The following FUT8 variants were observed in gnomAD, a reference collection of about 807,000 sequenced individuals.
FUT8 encodes fucosyltransferase 8.
Under a neutral mutation model 71.3 loss-of-function variants are expected in FUT8, and 29 were observed. The observed-to-expected ratio is 0.41, with a 90% confidence interval of 0.30 to 0.55. The LOEUF is 0.55. Among genes scored for constraint, FUT8 ranks in the 20% least tolerant of loss-of-function variants. The pLI is 0.34. For synonymous variants in FUT8, 254 were observed against 239.3 expected, an observed-to-expected ratio of 1.06 and a Z score of -0.57; for missense variants, 544 against 702.1, an observed-to-expected ratio of 0.77 and a Z score of 2.55.
In FUT8 at chr14:65,495,492, G is replaced by A. The variant is rs970715628; in HGVS notation, c.-228+39774G>A. ...ACAAATGGGAGTTATGTGTTCCTCC[G>A]GGGTATGGTCCATTTGTATATTGCT... On this transcript the variant is annotated intron_variant, in intron 2 of 10. Coordinates refer to ENST00000673929, the MANE Select transcript of FUT8 (RefSeq NM_001371533.1). 3.3e-5 allele frequency among the ~76,000 whole-genome samples: 5 copies of A among 151,966 alleles called. No individual in the cohort carries two copies. In the South Asian group the frequency reaches 6.2e-4, roughly 19 times the overall value.
intron 2 of FUT8, among the ~76,000 whole-genome samples, chr14:65,478,194 C>T (rs892766674): frequency 1.3e-5 from 2 of 152,072 alleles, no homozygotes; most frequent in Admixed American, 1.3e-4. Flanking sequence ...TATTCTTGTT[C>T]TTTAGGTTCT....
rs529640017 is a variant in FUT8 at position 65,729,045 on chromosome 14, T to C, written c.1260-4186T>C. ...GTCATTGTAAACATGTTTTTTTTTT[T>C]TTTTTTTTTTTGCTTTGTCACCCAG... On this transcript the variant is annotated intron_variant, in intron 9 of 10. Transcript: ENST00000673929. Among the ~76,000 whole-genome samples, 8 of 149,148 alleles carry C rather than the reference T, an allele frequency of 5.4e-5. No homozygotes were observed. In the South Asian group the frequency reaches 8.7e-4, roughly 16 times the overall value.
intron 1 of FUT8, among the ~76,000 whole-genome samples, chr14:65,433,370 G>T (rs1379786727): frequency 6.6e-6 from 1 of 152,166 alleles, no homozygotes; most frequent in Non-Finnish European, 1.5e-5. Flanking sequence ...ACAAGTAGGG[G>T]CATTCCAGGA....
intron 6 of FUT8, among the ~76,000 whole-genome samples, chr14:65,661,776 G>A (rs1250902843): frequency 6.6e-6 from 1 of 152,186 alleles, no homozygotes; most frequent in East Asian, 1.9e-4. Flanking sequence ...GTAGAAGAAC[G>A]CCTATGGTTT....
chr14:65,688,165 T>G (rs181488798), intron 7 of FUT8, among the ~76,000 whole-genome samples: 7 of 152,306 alleles, frequency 4.6e-5, no homozygotes, highest in Non-Finnish European at 7.4e-5. Flanking sequence ...TTTTGCCAAA[T>G]GCATAATGTC....
Position 65,664,153 on chromosome 14 carries a change from T to C in FUT8, c.598-5090T>C, listed in dbSNP as rs1273933441. ...TTCATTCATATGAATTTTAGTGATATTCAGGTACTCTATTTCTCATGAAAA... is the reference window on the plus strand; with the variant it reads ...TTCATTCATATGAATTTTAGTGATACTCAGGTACTCTATTTCTCATGAAAA... On this transcript the variant is annotated intron_variant, in intron 6 of 10. Coordinates refer to ENST00000673929, the MANE Select transcript of FUT8 (RefSeq NM_001371533.1). Among the ~76,000 whole-genome samples, 5 of 152,150 alleles carry C rather than the reference T, an allele frequency of 3.3e-5. No homozygotes were observed. In the East Asian group the frequency reaches 7.7e-4, roughly 23 times the overall value.
At chr14:65,705,366 C>T (rs1894505007) in intron 7 of FUT8, among the ~76,000 whole-genome samples, 1 of 152,160 alleles carries the variant, frequency 6.6e-6, no homozygotes, top group South Asian at 2.1e-4. Flanking sequence ...ATATTTATGT[C>T]ATCATTGTTG....
At chr14:65,571,409 A>T (rs955284871) in intron 3 of FUT8, among the ~76,000 whole-genome samples, 2 of 152,156 alleles carry the variant, frequency 1.3e-5, no homozygotes, top group African/African-American at 2.4e-5. Context: ...AAATTTCTCC[A>T]TGCACTTCAG....
chr14:65,467,779 A>T lies in FUT8; in HGVS notation c.-228+12061A>T, dbSNP rs546285853. 738 of 677,110 alleles carry T rather than the reference A, an allele frequency of 1.1e-3. 11 individuals are homozygous for T. Among genetic ancestry groups the T allele is most frequent in the South Asian group, 0.01 (715 of 68,958 alleles). 41.9% of individuals were successfully genotyped at this position (677,110 alleles called of 1,614,324 possible). A position where few individuals can be genotyped will look rare whatever the true frequency, so the allele number is the denominator to read the frequency against. On this transcript the variant is annotated intron_variant, in intron 2 of 10. Coordinates refer to ENST00000673929, the MANE Select transcript of FUT8 (RefSeq NM_001371533.1). The surrounding 1 kb of genome is among the most constrained non-coding windows in gnomAD (Gnocchi z 4.1). ...GTGAGCCACCGTGCCCAGCCAGTCT[A>T]GAGGTCTTTTATTTTTTTTAACACC...
chr14:65,403,477 A>C, the FUT8 span, among the ~76,000 whole-genome samples: 1 of 152,358 alleles, frequency 6.6e-6, no homozygotes, highest in Admixed American at 6.5e-5. Context: ...ATGAAAATTA[A>C]TTAACTCATT....
intron 2 of FUT8, among the ~76,000 whole-genome samples, chr14:65,457,132 T>G (rs1594650379): frequency 6.6e-6 from 1 of 152,322 alleles, no homozygotes; most frequent in East Asian, 1.9e-4. Context: ...TCTTATTTCT[T>G]CTAAGTGTAT....
chr14:65,631,856 C>T (rs187844782), intron 6 of FUT8, among the ~76,000 whole-genome samples: 10 of 151,840 alleles, frequency 6.6e-5, no homozygotes, highest in Admixed American at 2.6e-4. Flanking sequence ...TCCCCTCCCA[C>T]CCGTCCCTCC....
chr14:65,595,067 CCT>C (rs1333327703), intron 3 of FUT8, among the ~76,000 whole-genome samples: 1 of 152,136 alleles, frequency 6.6e-6, no homozygotes. Context: ...CCCCTGTCTG[CCT>C]AGAGTGTCTC....
the FUT8 span, among the ~76,000 whole-genome samples, chr14:65,385,177 G>A: frequency 1.1e-4 from 16 of 151,998 alleles, no homozygotes; most frequent in Non-Finnish European, 2.1e-4. Flanking sequence ...GAGATTACAG[G>A]CATGAGCCAC....
At chr14:65,407,822 C>A (rs1373171445), upstream of FUT8, among the ~76,000 whole-genome samples, 1 of 152,186 alleles carries the variant, frequency 6.6e-6, no homozygotes, top group African/African-American at 2.4e-5. Context: ...TGTCTGCCAT[C>A]GCCAGTAGGT....
At chr14:65,520,998 T>G (rs947531444) in intron 2 of FUT8, among the ~76,000 whole-genome samples, 4 of 152,134 alleles carry the variant, frequency 2.6e-5, no homozygotes, top group Admixed American at 1.3e-4. Context: ...TTTTACTTTT[T>G]ATTTTTGAAA....
intron 1 of FUT8, among the ~76,000 whole-genome samples, chr14:65,447,262 A>C (rs1381297063): frequency 6.6e-6 from 1 of 150,610 alleles, no homozygotes; most frequent in Non-Finnish European, 1.5e-5. Context: ...ACTGCACTAC[A>C]GCCTAGGTGA....
At chr14:65,662,005 G>T in intron 6 of FUT8, among the ~76,000 whole-genome samples, 2 of 152,216 alleles carry the variant, frequency 1.3e-5, no homozygotes, top group South Asian at 4.1e-4. Context: ...TTCAAGTATT[G>T]TTCCTAATTG....
chr14:65,493,911 G>A (rs2066520607), intron 2 of FUT8, among the ~76,000 whole-genome samples: 1 of 152,034 alleles, frequency 6.6e-6, no homozygotes, highest in South Asian at 2.1e-4. Flanking sequence ...ATATTTTAAG[G>A]TTAGATGAAG....
Sources: gnomAD v4.1 joint callset for allele counts (sites outside exome capture counted in the v4.1 genomes callset) on GRCh38, gnomAD v4.1.1 for gene constraint, Gnocchi (gnomAD v3.1) non-coding constraint, MANE v1.5 for transcripts, NCBI Gene and HGNC (gene_info 2026-07-23, HGNC 2026-07-21) for gene names.